Variants in GRID2 observed in about 807,000 individuals in gnomAD.
The protein encoded by GRID2 is glutamate receptor ionotropic, delta-2.
In GRID2, 33 loss-of-function variants were observed where a neutral mutation model predicts 114.8. That is an observed-to-expected ratio of 0.29 (90% confidence interval 0.22 to 0.38). The LOEUF is 0.38. Ranked by LOEUF, GRID2 falls within the 10% of genes least tolerant of loss-of-function variation. GRID2 has a pLI of 1.00. For synonymous variants in GRID2, 505 were observed against 449.9 expected (o/e 1.12, Z -1.55); for missense variants, 1,184 against 1,257.7 (o/e 0.94, Z 0.89).
intron 2 of GRID2, among the ~76,000 whole-genome samples, chr4:92,806,462 C>G (rs1488552011): frequency 6.6e-6 from 1 of 151,684 alleles, no homozygotes; most frequent in East Asian, 1.9e-4. Flanking sequence ...GACCCCTTTC[C>G]TAGTATGTAT....
chr4:92,966,235 G>C (rs2149163913), intron 2 of GRID2, among the ~76,000 whole-genome samples: 1 of 151,972 alleles, frequency 6.6e-6, no homozygotes, highest in East Asian at 1.9e-4. Flanking sequence ...ATCAAGTCAT[G>C]ACATAAGAAA....
intron 1 of GRID2, among the ~76,000 whole-genome samples, chr4:92,519,511 C>A (rs1356900567): frequency 2.0e-5 from 3 of 151,274 alleles, no homozygotes; most frequent in Non-Finnish European, 3.0e-5. Flanking sequence ...AGTCCTAATA[C>A]CATGAATTAG....
intron 14 of GRID2, among the ~76,000 whole-genome samples, chr4:93,662,239 G>T (rs371828018): frequency 1.3e-5 from 2 of 151,976 alleles, no homozygotes; most frequent in Non-Finnish European, 2.9e-5. Flanking sequence ...CTACTTAAAG[G>T]CACACGCCCA....
intron 2 of GRID2, among the ~76,000 whole-genome samples, chr4:92,695,158 G>T (rs1010391755): frequency 6.6e-6 from 1 of 151,920 alleles, no homozygotes; most frequent in South Asian, 2.1e-4. Flanking sequence ...TAGAGACAGG[G>T]TTTCACTATA....
chr4:93,575,035 G>A (rs1039552199), intron 13 of GRID2, among the ~76,000 whole-genome samples: 2 of 152,128 alleles, frequency 1.3e-5, no homozygotes, highest in Admixed American at 6.6e-5. Flanking sequence ...TGGCAGCATA[G>A]CCAGAACATT....
intron 1 of GRID2, among the ~76,000 whole-genome samples, chr4:93,806,106 AT>A (rs879889713): frequency 2.0e-5 from 3 of 152,262 alleles, no homozygotes; most frequent in Non-Finnish European, 4.4e-5. Context: ...AAATAAAAAA[AT>A]AAACAAAAAA....
chr4:93,676,756 A>C (rs1724903140), intron 14 of GRID2, among the ~76,000 whole-genome samples: 1 of 150,748 alleles, frequency 6.6e-6, no homozygotes, highest in Non-Finnish European at 1.5e-5. Flanking sequence ...GATATTACAA[A>C]AAAAAAAAAA....
chr4:92,754,427 G>A (rs2149341158), intron 2 of GRID2, among the ~76,000 whole-genome samples: 1 of 152,214 alleles, frequency 6.6e-6, no homozygotes, highest in African/African-American at 2.4e-5. Context: ...AGTGTGAGGA[G>A]CCTATAAACT....
intron 2 of GRID2, among the ~76,000 whole-genome samples, chr4:92,838,530 A>G (rs1742637746): frequency 6.6e-6 from 1 of 152,110 alleles, no homozygotes; most frequent in Admixed American, 6.6e-5. Flanking sequence ...TTAGTAATCC[A>G]TTTGACTAAT....
intron 4 of GRID2, among the ~76,000 whole-genome samples, chr4:93,196,747 A>G (rs945437366): frequency 3.9e-5 from 6 of 152,186 alleles, no homozygotes; most frequent in African/African-American, 1.2e-4. Flanking sequence ...CACAGTATCT[A>G]AGAATCGTCG....
At chr4:93,622,893 G>C (rs1249647006) in intron 13 of GRID2, among the ~76,000 whole-genome samples, 1 of 151,684 alleles carries the variant, frequency 6.6e-6, no homozygotes, top group Non-Finnish European at 1.5e-5. Flanking sequence ...TCTTTTTTCA[G>C]TACCAAAAAA....
chr4:92,566,731 T>G (rs1159832412), intron 1 of GRID2, among the ~76,000 whole-genome samples: 1 of 152,064 alleles, frequency 6.6e-6, no homozygotes, highest in African/African-American at 2.4e-5. Context: ...AGAATTTCTA[T>G]GTAACTATGA....
At chr4:92,711,979 A>G (rs1735276279) in intron 2 of GRID2, among the ~76,000 whole-genome samples, 1 of 152,204 alleles carries the variant, frequency 6.6e-6, no homozygotes, top group Admixed American at 6.5e-5. Flanking sequence ...TCTTAAGTTC[A>G]ACTGATTCAT....
In GRID2 at chr4:93,103,730, C is replaced by T. The variant is rs1287340345; in HGVS notation, c.530-7018C>T. 2.0e-5 allele frequency among the ~76,000 whole-genome samples: 3 copies of T among 151,812 alleles called. No homozygotes were observed. In the South Asian group the frequency reaches 6.2e-4, roughly 32 times the overall value. On this transcript the variant is annotated intron_variant, in intron 3 of 15. Transcript: ENST00000282020. ...GCATTTACTGAGAGGAGAGAGAATT[C>T]ATAATCTTTGATTTTCTCAAAAGAG...
intron 8 of GRID2, among the ~76,000 whole-genome samples, chr4:93,384,079 C>T (rs1001975333): frequency 2.6e-5 from 4 of 152,126 alleles, no homozygotes; most frequent in Non-Finnish European, 4.4e-5. Context: ...TGAAGGCTTG[C>T]TCTCTGCTTC....
intron 14 of GRID2, among the ~76,000 whole-genome samples, chr4:93,637,800 T>C (rs1005109544): frequency 1.3e-5 from 2 of 152,188 alleles, no homozygotes; most frequent in African/African-American, 2.4e-5. Flanking sequence ...ACTTTAATTC[T>C]TCCTTCATGG....
intron 2 of GRID2, among the ~76,000 whole-genome samples, chr4:92,628,621 G>A (rs987654430): frequency 6.6e-6 from 1 of 152,148 alleles, no homozygotes; most frequent in African/African-American, 2.4e-5. Flanking sequence ...GCCTCCCAAA[G>A]TGCTAGGATT....
intron 14 of GRID2, among the ~76,000 whole-genome samples, chr4:93,668,885 T>C (rs1724166631): frequency 6.6e-6 from 1 of 152,134 alleles, no homozygotes; most frequent in Admixed American, 6.5e-5. Flanking sequence ...AAGAACAAAT[T>C]ACTCACAGTT....
chr4:92,718,237 G>A (rs1366603147), intron 2 of GRID2, among the ~76,000 whole-genome samples: 1 of 151,864 alleles, frequency 6.6e-6, no homozygotes, highest in African/African-American at 2.4e-5. Context: ...CTCTATAATA[G>A]CAAATGTGAA....
Sources: allele counts gnomAD v4.1 joint callset (sites outside exome capture counted in the v4.1 genomes callset), GRCh38; gene constraint gnomAD v4.1.1; transcripts MANE v1.5; gene names NCBI Gene and HGNC (gene_info 2026-07-23, HGNC 2026-07-21).